FOCAD: variants seen among roughly 807,000 people sequenced by gnomAD.
FOCAD encodes the protein focadhesin, also known as KIAA1797.
FOCAD carries 198 observed loss-of-function variants against 225.6 expected under a neutral mutation model. That is an observed-to-expected ratio of 0.88 (90% CI 0.78 to 0.99). The LOEUF (loss-of-function observed/expected upper bound fraction) is 0.99, where lower values mean the gene tolerates loss of function less well. Among genes scored for constraint, FOCAD ranks in the 50% least tolerant of loss-of-function variants. The pLI, the probability that FOCAD is intolerant of heterozygous loss-of-function variation, is 0.00. For synonymous variants in FOCAD, 897 were observed against 755.0 expected (o/e 1.19, Z -3.08); for missense variants, 2,713 against 2,123.6 (o/e 1.28, Z -5.46).
In FOCAD at chr9:20,988,424, G is replaced by C; in HGVS notation, c.4999G>C (p.Asp1667His). ...AACATCCTTTCACAATACGGCTCTT[G>C]ACAAGGTAAAATCTAGAGGAGTAGT... is the stretch of plus-strand genomic sequence containing the variant. ...QSTSFHNTAL[D>H]KALDFFLLIF... The change falls in exon 41 of 44, where the codon GAC becomes CAC. Residue 1667 changes from aspartate to histidine, a missense_variant. Coordinates refer to ENST00000338382, the MANE Select transcript of FOCAD (RefSeq NM_001375567.1). The C allele has an allele frequency of 2.5e-6, 4 of 1,580,698 alleles. No individual in the cohort carries two copies. Among genetic ancestry groups the C allele is most frequent in the Non-Finnish European group, 1.7e-6 (2 of 1,152,204 alleles).
chr9:20,707,592 T>C (rs1824495760), intron 1 of FOCAD, among the ~76,000 whole-genome samples: 1 of 152,086 alleles, frequency 6.6e-6, no homozygotes, highest in Non-Finnish European at 1.5e-5. Flanking sequence ...AGAAAAGAAA[T>C]TAAGAAAATC....
intron 11 of FOCAD, among the ~76,000 whole-genome samples, chr9:20,800,755 T>G (rs1333568564): frequency 1.3e-5 from 2 of 152,150 alleles, no homozygotes; most frequent in African/African-American, 2.4e-5. Flanking sequence ...TCGTCTAATT[T>G]TTTTTCAAGG....
intron 11 of FOCAD, among the ~76,000 whole-genome samples, chr9:20,809,031 C>T (rs574881457): frequency 3.3e-5 from 5 of 152,132 alleles, no homozygotes; most frequent in African/African-American, 9.7e-5. Flanking sequence ...AAAAGCATTA[C>T]GTTGCACATG....
rs1198793529 is a variant in FOCAD, at chr9:20,866,999, A to C, written c.2177A>C (p.His726Pro). The change falls in exon 18 of 44, where the codon CAT becomes CCT. Residue 726 changes from histidine (H) to proline (P), a missense_variant. Physicochemically the swap from His to Pro is moderately conservative, Grantham distance 77. Transcript: ENST00000338382. ...AGTGCAGGAGAACACACCATTCTTC[A>C]TCTGCCTGAAAAGGTAGGCATATCT... The part of the protein sequence containing the change: ...NFSAGEHTIL[H>P]LPEKIRPEIP... 1 of 1,574,762 alleles carries C rather than the reference A, an allele frequency of 6.4e-7. No homozygotes were observed. The highest frequency in any genetic ancestry group is 2.3e-5 in the East Asian group (1 of 44,144).
At chr9:20,957,279 C>T (rs1838248139) in intron 35 of FOCAD, among the ~76,000 whole-genome samples, 1 of 151,756 alleles carries the variant, frequency 6.6e-6, no homozygotes, top group South Asian at 2.1e-4. Context: ...AGTCTGGCCT[C>T]AAACTCTAGC....
intron 21 of FOCAD, among the ~76,000 whole-genome samples, chr9:20,902,654 A>G (rs1045361550): frequency 7.2e-5 from 11 of 151,920 alleles, no homozygotes. Context: ...CAGTTACTAG[A>G]TCATAGTAAT....
chr9:20,760,774 T>C (rs1186310905), intron 6 of FOCAD, among the ~76,000 whole-genome samples: 1 of 152,196 alleles, frequency 6.6e-6, no homozygotes, highest in Non-Finnish European at 1.5e-5. Flanking sequence ...TTATTCTCTG[T>C]ATTAGTGATG....
At chr9:20,940,388 G>A (rs750032878) in intron 28 of FOCAD, among the ~76,000 whole-genome samples, 6 of 151,294 alleles carry the variant, frequency 4.0e-5, no homozygotes, top group South Asian at 2.1e-4. Context: ...CTGGGCTCAA[G>A]CAATCCTCCT....
At chr9:20,988,610 T>G (rs758848514) in intron 41 of FOCAD, among the ~76,000 whole-genome samples, 181 bp downstream of exon 41, 2 of 151,938 alleles carry the variant, frequency 1.3e-5, no homozygotes, top group Non-Finnish European at 2.9e-5. Context: ...TTTCCCTCTT[T>G]CCTTTTATTT....
At chr9:20,822,534 A>AT (rs1824439541) in intron 14 of FOCAD, among the ~76,000 whole-genome samples, 1 of 152,058 alleles carries the variant, frequency 6.6e-6, no homozygotes. Context: ...CCTTATCATC[A>AT]TTATGATAGG....
intron 1 of FOCAD, among the ~76,000 whole-genome samples, chr9:20,713,960 G>A (rs1359878946): frequency 6.6e-6 from 1 of 152,172 alleles, no homozygotes; most frequent in African/African-American, 2.4e-5. Context: ...CTTAGAACAA[G>A]TTGTTTTAGT....
intron 5 of FOCAD, among the ~76,000 whole-genome samples, chr9:20,743,767 A>T (rs967677866): frequency 6.6e-6 from 1 of 152,184 alleles, no homozygotes; most frequent in Non-Finnish European, 1.5e-5. Flanking sequence ...GTGATATGGA[A>T]ATATGTCATT....
At chr9:20,817,912 T>A (rs1295098947) in intron 11 of FOCAD, among the ~76,000 whole-genome samples, 3 of 152,192 alleles carry the variant, frequency 2.0e-5, no homozygotes, top group Non-Finnish European at 4.4e-5. Flanking sequence ...AGGAATAGAA[T>A]TGCTACATCA....
chr9:20,676,469 T>C (rs1263855684), intron 2 of FOCAD, among the ~76,000 whole-genome samples: 1 of 152,188 alleles, frequency 6.6e-6, no homozygotes, highest in East Asian at 1.9e-4. Context: ...TGTTTCTCAA[T>C]ATAAAATTAC....
At position 20,916,910 on chromosome 9, in the gene FOCAD, C is replaced by T. The variant is rs1312357025; in HGVS notation, c.2825C>T (p.Thr942Ile). 6.2e-7 allele frequency: 1 copy of T among 1,605,792 alleles called. No homozygotes were observed. Among genetic ancestry groups the T allele is most frequent in the East Asian group, 2.2e-5 (1 of 44,550 alleles). The change falls in exon 24 of 44, where the codon ACT (threonine) becomes ATT (isoleucine). Residue 942 changes from threonine to isoleucine, a missense_variant. By Grantham distance (89) the Thr-to-Ile change is moderately conservative. Coordinates refer to ENST00000338382, the MANE Select transcript of FOCAD (RefSeq NM_001375567.1). ...TAWLWVRDML[T>I]DEITKAAAKE... ...TATTGCAGGGTTAGAGACATGCTGA[C>T]TGATGAGATCACCAAGGCAGCTGCA...
intron 2 of FOCAD, among the ~76,000 whole-genome samples, chr9:20,664,775 G>T (rs572551962): frequency 6.6e-6 from 1 of 151,632 alleles, no homozygotes; most frequent in Non-Finnish European, 1.5e-5. Context: ...CATTGTGCCC[G>T]GCCCAGGGTG....
chr9:20,759,019 T>G (rs2130902567), intron 6 of FOCAD, among the ~76,000 whole-genome samples: 1 of 152,238 alleles, frequency 6.6e-6, no homozygotes, highest in Admixed American at 6.5e-5. Context: ...CATTCACAAT[T>G]GCTTCAAAGA....
chr9:20,804,285 G>T (rs971222350), intron 11 of FOCAD, among the ~76,000 whole-genome samples: 4 of 151,856 alleles, frequency 2.6e-5, no homozygotes, highest in African/African-American at 9.7e-5. Flanking sequence ...TGCCCATTCT[G>T]TTCCTTTTCA....
intron 21 of FOCAD, among the ~76,000 whole-genome samples, chr9:20,901,993 G>T (rs576849585): frequency 1.3e-5 from 2 of 151,886 alleles, no homozygotes; most frequent in East Asian, 3.9e-4. Context: ...ATCACAACTT[G>T]AACACCATAA....
Sources: allele counts gnomAD v4.1 joint callset (sites outside exome capture counted in the v4.1 genomes callset), GRCh38; gene constraint gnomAD v4.1.1; transcripts MANE v1.5; gene names NCBI Gene and HGNC (gene_info 2026-07-23, HGNC 2026-07-21).